TOP1: variants seen among roughly 807,000 people sequenced by gnomAD.
TOP1 encodes the protein DNA topoisomerase I.
TOP1 carries 10 observed loss-of-function variants against 111.1 expected under a neutral mutation model. The observed-to-expected ratio is 0.09, with a 90% CI of 0.06 to 0.15. The LOEUF is 0.15. Ranked by LOEUF, TOP1 falls within the 10% of genes least tolerant of loss-of-function variation. TOP1 has a pLI of 1.00. For synonymous variants in TOP1, 271 were observed against 302.9 expected, an observed-to-expected ratio of 0.89 and a Z score of 1.10; for missense variants, 474 against 926.7, an observed-to-expected ratio of 0.51 and a Z score of 6.34.
intron 2 of TOP1, among the ~76,000 whole-genome samples, chr20:41,045,285 T>C (rs2033319528): frequency 6.6e-6 from 1 of 152,184 alleles, no homozygotes; most frequent in Non-Finnish European, 1.5e-5. Flanking sequence ...TTGGGGCTCT[T>C]GGAATTTAAA....
chr20:41,116,389 G>C lies in TOP1; in HGVS notation c.1819G>C (p.Ala607Pro). ...ACAGCAGCAGCTAAAAGAACTGACAGCCCGTAAGTATTGCTTGGCCAGATA... is the reference window on the plus strand; with the variant it reads ...ACAGCAGCAGCTAAAAGAACTGACACCCCGTAAGTATTGCTTGGCCAGATA... The part of the protein sequence containing the change: ...TLQQQLKELT[A>P]PDENIPAKIL... Residue 607 changes from alanine to proline, a missense_variant, in exon 17 of 21, where the codon GCC becomes CCC. This residue lies in a region of TOP1 where 18 missense variants were observed against 20.5 expected (regional missense o/e 0.88). Coordinates refer to ENST00000361337, the MANE Select transcript of TOP1 (RefSeq NM_003286.4). This position sits in a 1 kb window ranked among gnomAD's most constrained non-coding sequence, Gnocchi z 5.6. The C allele has an allele frequency of 6.2e-7, 1 of 1,613,690 alleles. No individual in the cohort carries two copies. Among genetic ancestry groups the C allele is most frequent in the Non-Finnish European group, 8.5e-7 (1 of 1,179,618 alleles).
At chr20:41,035,609 G>C (rs571361535) in intron 2 of TOP1, among the ~76,000 whole-genome samples, 2 of 152,264 alleles carry the variant, frequency 1.3e-5, no homozygotes, top group African/African-American at 4.8e-5. Flanking sequence ...AACCGACCCA[G>C]CCAGCTTGTG....
Position 41,115,291 on chromosome 20 carries a change from A to T in TOP1, c.1639-80A>T, listed in dbSNP as rs1036631673. The T allele has an allele frequency of 8.3e-5, 80 of 964,984 alleles. No individual in the cohort carries two copies. The African/African-American group carries it at 1.1e-3, about 13-fold the overall frequency. The allele number at this position is 964,984 out of a possible 1,614,324, so 59.8% of individuals were successfully genotyped here. A position where few individuals can be genotyped will look rare whatever the true frequency, so the allele number is the denominator to read the frequency against. On this transcript the variant is annotated intron_variant, in intron 15 of 20. Coordinates refer to ENST00000361337, the MANE Select transcript of TOP1 (RefSeq NM_003286.4). This position sits in a 1 kb window ranked among gnomAD's most constrained non-coding sequence, Gnocchi z 6.3. Reference sequence around the variant, plus strand: ...TGTTCCTTGTGCCTTTTTCTTTGCAAGTTTCTTTAAGTTTGGGGTTATTTC... The same window carrying T: ...TGTTCCTTGTGCCTTTTTCTTTGCATGTTTCTTTAAGTTTGGGGTTATTTC...
chr20:41,116,888 A>G lies in TOP1; in HGVS notation c.1822+496A>G, dbSNP rs1362621282. Among the ~76,000 whole-genome samples, 1 of 151,986 alleles carries G rather than the reference A, an allele frequency of 6.6e-6. No homozygotes were observed. The highest frequency in any genetic ancestry group is 2.4e-5 in the African/African-American group (1 of 41,374). ...TTTTTTTTCCTGGAGCCCAGTCACTATTGAATTTCCACTGCCCTCTGTAAA... is the reference window on the plus strand; with the variant it reads ...TTTTTTTTCCTGGAGCCCAGTCACTGTTGAATTTCCACTGCCCTCTGTAAA... On this transcript the variant is annotated intron_variant, in intron 17 of 20. Coordinates refer to ENST00000361337, the MANE Select transcript of TOP1 (RefSeq NM_003286.4). The surrounding 1 kb of genome is among the most constrained non-coding windows in gnomAD (Gnocchi z 5.6).
chr20:41,033,202 C>G (rs1180326314), intron 2 of TOP1, among the ~76,000 whole-genome samples: 1 of 152,016 alleles, frequency 6.6e-6, no homozygotes, highest in Non-Finnish European at 1.5e-5. Flanking sequence ...ATCAGAAATA[C>G]GTTGTGGCTT....
intron 3 of TOP1, among the ~76,000 whole-genome samples, chr20:41,066,910 A>G (rs1031145476): frequency 3.9e-5 from 6 of 152,042 alleles, no homozygotes; most frequent in Admixed American, 6.5e-5. Context: ...CCTTTTTGCC[A>G]AGAGCTATTG....
chr20:41,113,050 A>C, intron 14 of TOP1, 125 bp downstream of exon 14: 2 of 1,020,324 alleles, frequency 2.0e-6, no homozygotes. Context: ...TGTATGTAAA[A>C]CTGAATCAAA....
At position 41,029,532 on chromosome 20, in the gene TOP1, A is replaced by C. The variant is rs760525613; in HGVS notation, c.58+77A>C. 1 of 1,208,746 alleles carries C rather than the reference A, an allele frequency of 8.3e-7. No homozygotes were observed. The highest frequency in any genetic ancestry group is 2.6e-5 in the East Asian group (1 of 39,196). 74.9% of individuals were successfully genotyped at this position (1,208,746 alleles called of 1,614,324 possible). A position where few individuals can be genotyped will look rare whatever the true frequency, so the allele number is the denominator to read the frequency against. Reference sequence around the variant, plus strand: ...CCCCCGCGCCCTGCCGGTGCCGGGCAGAGGACAGACATGGCGTCCCAGAGA... The same window carrying C: ...CCCCCGCGCCCTGCCGGTGCCGGGCCGAGGACAGACATGGCGTCCCAGAGA... On this transcript the variant is annotated intron_variant, in intron 2 of 20. Coordinates refer to ENST00000361337, the MANE Select transcript of TOP1 (RefSeq NM_003286.4). This position sits in a 1 kb window ranked among gnomAD's most constrained non-coding sequence, Gnocchi z 6.1.
chr20:41,080,063 C>T lies in TOP1; in HGVS notation c.336-22C>T, dbSNP rs2145937565. On this transcript the variant is annotated intron_variant, in intron 5 of 20. Transcript: ENST00000361337. This position sits in a 1 kb window ranked among gnomAD's most constrained non-coding sequence, Gnocchi z 5.0. ...AATACAGATGTTCTAGCACTCTGAC[C>T]AGCAATTTTTTTTCTCTTTAGTCCA... The T allele has an allele frequency of 6.8e-7, 1 of 1,468,782 alleles. No homozygotes were observed. Among genetic ancestry groups the T allele is most frequent in the East Asian group, 2.3e-5 (1 of 43,966 alleles). 91.0% of individuals were successfully genotyped at this position (1,468,782 alleles called of 1,614,324 possible).
intron 4 of TOP1, 137 bp downstream of exon 4, chr20:41,076,431 C>A: frequency 8.0e-7 from 1 of 1,257,388 alleles, no homozygotes; most frequent in Non-Finnish European, 1.1e-6. Context: ...TTAGAGCAAA[C>A]TGTAGTCTTA....
Position 41,080,040 on chromosome 20 carries a change from T to C in TOP1, c.336-45T>C. ...ATATTCCTTCTTTGTATTAATAGAA[T>C]ACAGATGTTCTAGCACTCTGACCAG... On this transcript the variant is annotated intron_variant, in intron 5 of 20. Coordinates refer to ENST00000361337, the MANE Select transcript of TOP1 (RefSeq NM_003286.4). The surrounding 1 kb of genome is among the most constrained non-coding windows in gnomAD (Gnocchi z 5.0). 1 of 1,116,298 alleles carries C rather than the reference T, an allele frequency of 9.0e-7. No individual in the cohort carries two copies. The highest frequency in any genetic ancestry group is 1.3e-5 in the South Asian group (1 of 76,726). 69.1% of individuals were successfully genotyped at this position (1,116,298 alleles called of 1,614,324 possible). A position where few individuals can be genotyped will look rare whatever the true frequency, so the allele number is the denominator to read the frequency against.
At position 41,028,990 on chromosome 20, in the gene TOP1, G is replaced by A. The variant is rs1600546498; in HGVS notation, c.-78G>A. ...CCTCGAGCCTCCGGAGTCCCCGTCC[G>A]CCCGCACAGGCCGGTTCGCCGTCTG... On this transcript the variant is annotated 5_prime_UTR_variant, in exon 1 of 21. Coordinates refer to ENST00000361337, the MANE Select transcript of TOP1 (RefSeq NM_003286.4). 2 of 1,311,956 alleles carry A rather than the reference G, an allele frequency of 1.5e-6. No homozygotes were observed. Among genetic ancestry groups the A allele is most frequent in the Non-Finnish European group, 2.1e-6 (2 of 949,096 alleles). 81.3% of individuals were successfully genotyped at this position (1,311,956 alleles called of 1,614,324 possible). A position where few individuals can be genotyped will look rare whatever the true frequency, so the allele number is the denominator to read the frequency against.
rs964039531 is a variant in TOP1 at position 41,072,812 on chromosome 20, C to T, written c.156-3359C>T. On this transcript the variant is annotated intron_variant, in intron 3 of 20. Coordinates refer to ENST00000361337, the MANE Select transcript of TOP1 (RefSeq NM_003286.4). ...TTTCTAACAGTCTCCAATGTAATGC[C>T]CTGTAATAGAAGCTGTCCTTAACCC... 4.1e-6 allele frequency: 4 copies of T among 985,250 alleles called. No homozygotes were observed. The African/African-American group carries it at 7.0e-5, about 17-fold the overall frequency. 61.0% of individuals were successfully genotyped at this position (985,250 alleles called of 1,614,324 possible). A position where few individuals can be genotyped will look rare whatever the true frequency, so the allele number is the denominator to read the frequency against.
intron 2 of TOP1, among the ~76,000 whole-genome samples, chr20:41,043,603 G>C (rs2033294961): frequency 6.6e-6 from 1 of 152,190 alleles, no homozygotes; most frequent in African/African-American, 2.4e-5. Context: ...TCCCTTGGTT[G>C]AATTAGTAAT....
Position 41,056,847 on chromosome 20 carries a change from A to T in TOP1, c.59-4547A>T, listed in dbSNP as rs139640057. ...CCTAGGTCTTATTTGTATCAATGAG[A>T]TTAATGAGCCACAGCCCCGAGTTTC... On this transcript the variant is annotated intron_variant, in intron 2 of 20. Transcript: ENST00000361337. Among the ~76,000 whole-genome samples the T allele has an allele frequency of 1.3e-3, 193 of 152,258 alleles. 3 individuals are homozygous for T. In the East Asian group the frequency reaches 0.034, roughly 27 times the overall value.
At chr20:41,113,905 A>G in intron 14 of TOP1, 65 bp from the exon 15 acceptor site, 1 of 1,257,232 alleles carries the variant, frequency 8.0e-7, no homozygotes, top group Non-Finnish European at 1.1e-6. Flanking sequence ...AAAAACACAG[A>G]ACGAAATTGT....
Position 41,083,659 on chromosome 20 carries a change from T to C in TOP1, c.508-803T>C, listed in dbSNP as rs1049437460. Among the ~76,000 whole-genome samples, 7 of 152,196 alleles carry C rather than the reference T, an allele frequency of 4.6e-5. No individual in the cohort carries two copies. Among genetic ancestry groups the C allele is most frequent in the Non-Finnish European group, 8.8e-5 (6 of 68,034 alleles). On this transcript the variant is annotated intron_variant, in intron 7 of 20. Transcript: ENST00000361337. This position sits in a 1 kb window ranked among gnomAD's most constrained non-coding sequence, Gnocchi z 7.2. ...ACCTTTCATTGCTATATAAAACTTG[T>C]TGAATAAAGACTGAATAAGTAGTTA...
At chr20:41,096,674 A>T (rs1207000819) in intron 9 of TOP1, among the ~76,000 whole-genome samples, 1 of 152,236 alleles carries the variant, frequency 6.6e-6, no homozygotes, top group Non-Finnish European at 1.5e-5. Flanking sequence ...TAGGCTTTTC[A>T]TATGGGAAAT....
At position 41,101,174 on chromosome 20, in the gene TOP1, C is replaced by T; in HGVS notation, c.1164-35C>T. 1 of 1,610,614 alleles carries T rather than the reference C, an allele frequency of 6.2e-7. No individual in the cohort carries two copies. The highest frequency in any genetic ancestry group is 8.5e-7 in the Non-Finnish European group (1 of 1,177,182). The stretch of plus-strand genomic sequence containing the variant: ...TGAAAGGTGAAATTATTCCTCACAT[C>T]TTATTTCACTATCCTCGTGCTCTGT... On this transcript the variant is annotated intron_variant, in intron 12 of 20. Coordinates refer to ENST00000361337, the MANE Select transcript of TOP1 (RefSeq NM_003286.4). The surrounding 1 kb of genome is among the most constrained non-coding windows in gnomAD (Gnocchi z 4.1).
Sources: gnomAD v4.1 joint callset for allele counts (sites outside exome capture counted in the v4.1 genomes callset) on GRCh38, gnomAD v4.1.1 for gene constraint, gnomAD v4.1.1 regional missense constraint, Gnocchi (gnomAD v3.1) non-coding constraint, MANE v1.5 for transcripts, NCBI Gene and HGNC (gene_info 2026-07-23, HGNC 2026-07-21) for gene names.